Variants in GABRG2 observed in about 807,000 individuals in gnomAD.
The protein encoded by GABRG2 is gamma-aminobutyric acid receptor subunit gamma-2.
GABRG2 carries 16 observed loss-of-function variants against 56.4 expected under a neutral mutation model. The ratio of observed to expected loss-of-function variants is 0.28; its 90% CI spans 0.19 to 0.43. The LOEUF (loss-of-function observed/expected upper bound fraction) is 0.43, where lower values mean the gene tolerates loss of function less well. Among genes scored for constraint, GABRG2 ranks in the 20% least tolerant of loss-of-function variants. The pLI is 1.00. For missense variants in GABRG2, 327 were observed against 582.7 expected, an observed-to-expected ratio of 0.56 and a Z score of 4.52; for synonymous variants, 208 against 205.5, an observed-to-expected ratio of 1.01 and a Z score of -0.10.
chr5:162,075,881 C>G (rs182917100), intron 1 of GABRG2, among the ~76,000 whole-genome samples: 44 of 152,056 alleles, frequency 2.9e-4, no homozygotes, highest in African/African-American at 9.9e-4. Context: ...CAGTTTCACT[C>G]TGTCTTTTCA....
chr5:162,071,273 C>T (rs1184775622), intron 1 of GABRG2, among the ~76,000 whole-genome samples: 2 of 149,430 alleles, frequency 1.3e-5, no homozygotes, highest in South Asian at 2.1e-4. Context: ...AGTAAAAATA[C>T]CCTAAAGGGA....
intron 6 of GABRG2, among the ~76,000 whole-genome samples, chr5:162,112,226 GAC>G (rs1309386628): frequency 6.6e-6 from 1 of 151,104 alleles, no homozygotes; most frequent in Admixed American, 6.6e-5. Flanking sequence ...TAATATTTTT[GAC>G]AGTCTATCAA....
intron 6 of GABRG2, among the ~76,000 whole-genome samples, chr5:162,126,100 A>C (rs1370187076): frequency 6.6e-6 from 1 of 151,954 alleles, no homozygotes; most frequent in Non-Finnish European, 1.5e-5. Context: ...CATATTTTTG[A>C]AACCTCAAGA....
intron 1 of GABRG2, 53 bp downstream of exon 1, chr5:162,068,159 T>A: frequency 8.1e-7 from 1 of 1,235,398 alleles, no homozygotes; most frequent in Non-Finnish European, 1.2e-6. Context: ...GGGGGGAAGG[T>A]GTGGGGAGGG....
chr5:162,119,702 T>C (rs1762857006), intron 6 of GABRG2, among the ~76,000 whole-genome samples: 1 of 152,114 alleles, frequency 6.6e-6, no homozygotes, highest in Non-Finnish European at 1.5e-5. Flanking sequence ...TACACCGAAG[T>C]CTATGCTTTT....
chr5:162,074,046 C>A (rs1272176799), intron 1 of GABRG2, among the ~76,000 whole-genome samples: 1 of 151,812 alleles, frequency 6.6e-6, no homozygotes, highest in Non-Finnish European at 1.5e-5. Context: ...TGTAAAAGTC[C>A]TCTCTAACTT....
chr5:162,151,766 T>G lies in GABRG2; in HGVS notation c.1152+13T>G. ...GTTTTCCTTCAAGGTATAATGTTTT[T>G]GGAATGGAAATTCACTGCATGCAAC... On this transcript the variant is annotated intron_variant, in intron 9 of 9. Transcript: ENST00000639213. The G allele has an allele frequency of 1.2e-6, 2 of 1,609,768 alleles. No homozygotes were observed. The highest frequency in any genetic ancestry group is 1.7e-6 in the Non-Finnish European group (2 of 1,176,770).
chr5:162,151,668 AT>A (rs1044397787), intron 8 of GABRG2, 61 bp from the exon 9 acceptor site: 35 of 1,367,762 alleles, frequency 2.6e-5, no homozygotes, highest in Admixed American at 8.3e-5. Context: ...TTTTTTTTTC[AT>A]TTTTTTTCTC....
At chr5:162,119,617 T>C (rs1167390734) in intron 6 of GABRG2, among the ~76,000 whole-genome samples, 8 of 152,092 alleles carry the variant, frequency 5.3e-5, no homozygotes, top group Non-Finnish European at 1.2e-4. Flanking sequence ...GAAATGACAA[T>C]GATCGAGATG....
chr5:162,078,912 A>G (rs959145621), intron 1 of GABRG2, among the ~76,000 whole-genome samples: 21 of 151,598 alleles, frequency 1.4e-4, no homozygotes, highest in Non-Finnish European at 2.9e-5. Flanking sequence ...AGATAAACAA[A>G]AGTCTACAAC....
At chr5:162,144,157 T>A (rs1476331981) in intron 7 of GABRG2, among the ~76,000 whole-genome samples, 2 of 152,212 alleles carry the variant, frequency 1.3e-5, no homozygotes, top group Non-Finnish European at 2.9e-5. Context: ...ATGTCTGTCA[T>A]CAGAATGTCA....
chr5:162,067,494 C>T (rs552185452), upstream of GABRG2: 49 of 423,342 alleles, frequency 1.2e-4, 1 homozygote, highest in East Asian at 1.1e-3. Flanking sequence ...AGTTAATCTG[C>T]GTGATAGTTA....
chr5:162,078,596 G>A (rs1330638807), intron 1 of GABRG2, among the ~76,000 whole-genome samples: 3 of 150,526 alleles, frequency 2.0e-5, no homozygotes, highest in East Asian at 2.0e-4. Flanking sequence ...TAGTAGAGAC[G>A]AGGTTTCACC....
chr5:162,091,944 G>C (rs1247003038), intron 1 of GABRG2, among the ~76,000 whole-genome samples: 1 of 152,032 alleles, frequency 6.6e-6, no homozygotes, highest in Non-Finnish European at 1.5e-5. Flanking sequence ...TTTTTGAAAA[G>C]GCACTTTTGC....
rs1276069064 is a variant in GABRG2, at chr5:162,092,870, G to C, written c.108-958G>C. On this transcript the variant is annotated intron_variant, in intron 1 of 9. Coordinates refer to ENST00000639213, the MANE Select transcript of GABRG2 (RefSeq NM_198904.4). ...TACAAAAGTAACCAATATTCATTCA[G>C]TGTTGATAAAAATGGAAATGGCAGC... Among the ~76,000 whole-genome samples, 6 of 152,198 alleles carry C rather than the reference G, an allele frequency of 3.9e-5. No homozygotes were observed. The South Asian group carries it at 1.2e-3, about 32-fold the overall frequency.
chr5:162,075,879 C>T (rs940975934), intron 1 of GABRG2, among the ~76,000 whole-genome samples: 5 of 151,992 alleles, frequency 3.3e-5, no homozygotes, highest in Non-Finnish European at 7.4e-5. Context: ...ACCAGTTTCA[C>T]TCTGTCTTTT....
chr5:162,149,410 G>T, intron 8 of GABRG2, 97 bp downstream of exon 8: 1 of 1,191,108 alleles, frequency 8.4e-7, no homozygotes. Flanking sequence ...CAGCAGTTTG[G>T]GCTCCAAGAT....
In GABRG2 at chr5:162,102,587, G is replaced by T. The variant is rs1398153151; in HGVS notation, c.631+1270G>T. On this transcript the variant is annotated intron_variant, in intron 5 of 9. Coordinates refer to ENST00000639213, the MANE Select transcript of GABRG2 (RefSeq NM_198904.4). ...TCTATTGCCCAGGCTGGAATGTGCA[G>T]TGGTGTGATCTCGGCTCACTACAGC... 8.8e-6 allele frequency: 4 copies of T among 454,140 alleles called. No individual in the cohort carries two copies. The East Asian group carries it at 2.8e-4, about 32-fold the overall frequency. The allele number at this position is 454,140 out of a possible 1,614,324, so 28.1% of individuals were successfully genotyped here. A position where few individuals can be genotyped will look rare whatever the true frequency, so the allele number is the denominator to read the frequency against.
At chr5:162,088,034 T>C (rs1760263674) in intron 1 of GABRG2, among the ~76,000 whole-genome samples, 1 of 152,090 alleles carries the variant, frequency 6.6e-6, no homozygotes, top group Non-Finnish European at 1.5e-5. Flanking sequence ...ATGTATACAC[T>C]CACATGTGCA....
Sources: gnomAD v4.1 joint callset for allele counts (sites outside exome capture counted in the v4.1 genomes callset) on GRCh38, gnomAD v4.1.1 for gene constraint, MANE v1.5 for transcripts, NCBI Gene and HGNC (gene_info 2026-07-23, HGNC 2026-07-21) for gene names.